Variants in UNC13C observed in about 807,000 individuals in gnomAD.
UNC13C encodes unc-13 homolog C, also known as protein unc-13 homolog C.
In UNC13C, 174 loss-of-function variants were observed where a neutral mutation model predicts 245.4. The ratio of observed to expected loss-of-function variants is 0.71; its 90% CI spans 0.63 to 0.80. UNC13C has a LOEUF of 0.80. Ranked by LOEUF, UNC13C falls within the 30% of genes least tolerant of loss-of-function variation. The pLI is 0.00. For synonymous variants in UNC13C, 992 were observed against 895.1 expected, an observed-to-expected ratio of 1.11 and a Z score of -1.93; for missense variants, 2,829 against 2,602.9, an observed-to-expected ratio of 1.09 and a Z score of -1.89.
At chr15:54,532,012 C>T (rs1441220988) in intron 25 of UNC13C, among the ~76,000 whole-genome samples, 2 of 150,206 alleles carry the variant, frequency 1.3e-5, no homozygotes, top group African/African-American at 5.0e-5. Flanking sequence ...AGTGGCAGTA[C>T]TTCATTTTTC....
At chr15:53,976,475 C>CTTTTTTTTTTTTTTTTTTTT (rs879775519), upstream of UNC13C, among the ~76,000 whole-genome samples, 10 of 63,724 alleles carry the variant, frequency 1.6e-4, no homozygotes, top group Non-Finnish European at 2.5e-4. Context: ...CTCTCTCTCT[C>CTTTTTTTTTTTTTTTTTTTT]TCTTTTTTTT....
the UNC13C span, among the ~76,000 whole-genome samples, chr15:53,915,057 A>T: frequency 6.6e-6 from 1 of 152,256 alleles, no homozygotes; most frequent in South Asian, 2.1e-4. Flanking sequence ...CACTAAAGAG[A>T]ACATGAGTTG....
rs79363025 is a variant in UNC13C at position 54,136,220 on chromosome 15, C to G, written c.2984-6798C>G. Among the ~76,000 whole-genome samples the G allele has an allele frequency of 1.2e-3, 189 of 152,290 alleles. 1 individual carries two copies. The highest frequency in any genetic ancestry group is 2.2e-3 in the Non-Finnish European group (147 of 68,026). On this transcript the variant is annotated intron_variant, in intron 2 of 32. Coordinates refer to ENST00000260323, the MANE Select transcript of UNC13C (RefSeq NM_001080534.3). ...TGGGGTAATCACTGCTAACTGCAGC[C>G]TTGACCTCCCAGGCTCAGGTGATCT... is the stretch of plus-strand genomic sequence containing the variant.
chr15:54,164,762 A>C (rs1023407574), intron 4 of UNC13C, among the ~76,000 whole-genome samples: 30 of 152,196 alleles, frequency 2.0e-4, no homozygotes, highest in African/African-American at 6.3e-4. Flanking sequence ...TCTGGTTGGC[A>C]CTGAAGGACT....
intron 2 of UNC13C, among the ~76,000 whole-genome samples, chr15:54,097,114 A>T (rs1311239070): frequency 6.6e-6 from 1 of 152,172 alleles, no homozygotes; most frequent in Non-Finnish European, 1.5e-5. Flanking sequence ...ATACCTATTT[A>T]GTGTTCTCAT....
the UNC13C span, among the ~76,000 whole-genome samples, chr15:53,948,795 G>C: frequency 2.0e-5 from 3 of 151,764 alleles, no homozygotes; most frequent in Non-Finnish European, 4.4e-5. Flanking sequence ...AAAAGGGGAC[G>C]GTGAAGGCAC....
chr15:54,422,687 G>T (rs978719256), intron 19 of UNC13C, among the ~76,000 whole-genome samples: 1 of 151,642 alleles, frequency 6.6e-6, no homozygotes, highest in Non-Finnish European at 1.5e-5. Flanking sequence ...TTCATAGAGG[G>T]CTCCTTTCCA....
intron 19 of UNC13C, among the ~76,000 whole-genome samples, chr15:54,442,686 CT>C (rs200380951): frequency 6.6e-6 from 1 of 152,020 alleles, no homozygotes; most frequent in African/African-American, 2.4e-5. Context: ...TTGAGATGAT[CT>C]TTTTTGTCTT....
At chr15:54,106,005 T>A (rs1316257574) in intron 2 of UNC13C, among the ~76,000 whole-genome samples, 2 of 152,202 alleles carry the variant, frequency 1.3e-5, no homozygotes, top group Admixed American at 1.3e-4. Context: ...AGGTAGATAC[T>A]TTCTTCTTGG....
chr15:53,965,567 T>TTTATTTATTTA, the UNC13C span, among the ~76,000 whole-genome samples: 1 of 128,850 alleles, frequency 7.8e-6, no homozygotes, highest in African/African-American at 3.5e-5. Context: ...TATTTATTTA[T>TTTATTTATTTA]TTATTATTAT....
intron 4 of UNC13C, among the ~76,000 whole-genome samples, chr15:54,199,144 G>C (rs1452583603): frequency 6.6e-6 from 1 of 151,852 alleles, no homozygotes; most frequent in African/African-American, 2.4e-5. Context: ...CAAAGACAAA[G>C]AAAAAAGATT....
At chr15:54,472,334 GTT>G (rs904359268) in intron 19 of UNC13C, among the ~76,000 whole-genome samples, 1 of 151,658 alleles carries the variant, frequency 6.6e-6, no homozygotes, top group African/African-American at 2.4e-5. Flanking sequence ...TTTTAGTTGT[GTT>G]TAACAGTTTT....
upstream of UNC13C, among the ~76,000 whole-genome samples, chr15:53,977,343 T>C (rs1595670783): frequency 6.6e-6 from 1 of 152,190 alleles, no homozygotes; most frequent in East Asian, 1.9e-4. Flanking sequence ...TGCCACAAAA[T>C]GCTATATCCG....
chr15:54,567,358 C>G (rs937105992), intron 29 of UNC13C, among the ~76,000 whole-genome samples: 1 of 152,098 alleles, frequency 6.6e-6, no homozygotes, highest in Non-Finnish European at 1.5e-5. Context: ...AGACACCTGA[C>G]CTAGAATCTC....
intron 19 of UNC13C, among the ~76,000 whole-genome samples, chr15:54,446,107 G>A (rs1890798466): frequency 2.6e-5 from 4 of 152,020 alleles, no homozygotes; most frequent in Admixed American, 1.3e-4. Context: ...AGTTGTAGAT[G>A]TGTGGTATTA....
intron 2 of UNC13C, among the ~76,000 whole-genome samples, chr15:54,017,808 C>T (rs548162969): frequency 7.2e-5 from 11 of 152,218 alleles, no homozygotes; most frequent in South Asian, 2.1e-4. Context: ...AATAAAACCA[C>T]GGATAAAACA....
At chr15:54,262,759 C>T (rs1434059081) in intron 8 of UNC13C, among the ~76,000 whole-genome samples, 1 of 151,942 alleles carries the variant, frequency 6.6e-6, no homozygotes, top group African/African-American at 2.4e-5. Context: ...CTCTTTCTAC[C>T]ACTGGAATAT....
At chr15:54,462,836 A>T in intron 19 of UNC13C, among the ~76,000 whole-genome samples, 1 of 152,134 alleles carries the variant, frequency 6.6e-6, no homozygotes, top group East Asian at 2.0e-4. Flanking sequence ...TGAGGAGTGC[A>T]GGCATGTGGT....
the UNC13C span, among the ~76,000 whole-genome samples, chr15:53,966,501 G>A: frequency 6.6e-6 from 1 of 152,094 alleles, no homozygotes; most frequent in Non-Finnish European, 1.5e-5. Context: ...TTGAAGGTGA[G>A]TTTGTTTGTG....
Sources: gnomAD v4.1 joint callset for allele counts (sites outside exome capture counted in the v4.1 genomes callset) on GRCh38, gnomAD v4.1.1 for gene constraint, MANE v1.5 for transcripts, NCBI Gene and HGNC (gene_info 2026-07-23, HGNC 2026-07-21) for gene names.